RELN: variants seen among roughly 807,000 people sequenced by gnomAD.
The protein encoded by RELN is reelin.
A neutral mutation model predicts 427.6 loss-of-function variants in RELN; 108 were observed. The ratio of observed to expected loss-of-function variants is 0.25; its 90% confidence interval spans 0.22 to 0.30. The LOEUF is 0.30. Ranked by LOEUF, RELN falls within the 10% of genes least tolerant of loss-of-function variation. The pLI is 1.00. For missense variants in RELN, 3,715 were observed against 4,302.8 expected (o/e 0.86, Z 3.82); for synonymous variants, 1,524 against 1,513.4 (o/e 1.01, Z -0.16).
In RELN at chr7:103,636,224, C is replaced by T. The variant is rs745568401; in HGVS notation, c.2303+11G>A. 3 of 1,568,264 alleles carry T rather than the reference C, an allele frequency of 1.9e-6. No individual in the cohort carries two copies. Among genetic ancestry groups the T allele is most frequent in the South Asian group, 2.2e-5 (2 of 90,040 alleles). Reference sequence around the variant, plus strand: ...TGGTTTTTGTATGTATTCTACCCTGCCTTCACTCACCTGGATTGTGAGCTG... The same window carrying T: ...TGGTTTTTGTATGTATTCTACCCTGTCTTCACTCACCTGGATTGTGAGCTG... On this transcript the variant is annotated intron_variant, in intron 18 of 64. Coordinates refer to ENST00000428762, the MANE Select transcript of RELN (RefSeq NM_005045.4).
chr7:103,784,880 A>G (rs865844517), intron 3 of RELN, among the ~76,000 whole-genome samples: 1 of 152,184 alleles, frequency 6.6e-6, no homozygotes, highest in South Asian at 2.1e-4. Flanking sequence ...TAAAGCATCC[A>G]TGCAGTAAAT....
chr7:103,597,351 A>C (rs937234120), intron 24 of RELN, among the ~76,000 whole-genome samples: 57 of 152,220 alleles, frequency 3.7e-4, no homozygotes, highest in African/African-American at 1.3e-3. Context: ...GCCTGTAATC[A>C]CAGCACTTTG....
intron 3 of RELN, among the ~76,000 whole-genome samples, chr7:103,810,648 C>T (rs754880092): frequency 6.6e-6 from 1 of 152,104 alleles, no homozygotes; most frequent in Non-Finnish European, 1.5e-5. Context: ...AGACAGATTA[C>T]CCTTCCTTGC....
intron 2 of RELN, among the ~76,000 whole-genome samples, chr7:103,891,924 C>T (rs1187337405): frequency 2.6e-5 from 4 of 152,006 alleles, no homozygotes; most frequent in African/African-American, 4.8e-5. Context: ...CCCACAGGAA[C>T]AGAATGAACA....
chr7:103,520,376 A>G (rs1030295516), intron 48 of RELN, among the ~76,000 whole-genome samples: 7 of 152,014 alleles, frequency 4.6e-5, no homozygotes, highest in Non-Finnish European at 8.8e-5. Flanking sequence ...CCTGGGTTCA[A>G]GTGATTCTCT....
At position 103,895,762 on chromosome 7, in the gene RELN, C is replaced by T. The variant is rs12667097; in HGVS notation, c.337+21313G>A. 4.1e-3 allele frequency among the ~76,000 whole-genome samples: 624 copies of T among 151,596 alleles called. 23 individuals are homozygous for T. In the East Asian group the frequency reaches 0.073, roughly 18 times the overall value. On this transcript the variant is annotated intron_variant, in intron 2 of 64. Transcript: ENST00000428762. Reference sequence around the variant, plus strand: ...GCTAGGCTCTATCACCTGGAGCATACGTTAAAAAAATTGCATTGAGATAGG... The same window carrying T: ...GCTAGGCTCTATCACCTGGAGCATATGTTAAAAAAATTGCATTGAGATAGG...
chr7:103,691,271 C>A (rs943338063), intron 10 of RELN, among the ~76,000 whole-genome samples: 1 of 152,116 alleles, frequency 6.6e-6, no homozygotes, highest in Non-Finnish European at 1.5e-5. Flanking sequence ...GGTCTTATAT[C>A]ATTCTTCCCT....
chr7:103,608,826 C>T (rs1393137559), intron 22 of RELN, among the ~76,000 whole-genome samples: 1 of 152,150 alleles, frequency 6.6e-6, no homozygotes, highest in Non-Finnish European at 1.5e-5. Flanking sequence ...AAAGAACCTG[C>T]AAAGGCTTTT....
At chr7:103,500,554 C>A (rs1828992247) in intron 53 of RELN, among the ~76,000 whole-genome samples, 191 bp downstream of exon 53, 1 of 152,032 alleles carries the variant, frequency 6.6e-6, no homozygotes. Flanking sequence ...ACTGGATAAA[C>A]TGTACTAGAA....
chr7:103,507,309 G>C (rs1829248535), intron 51 of RELN, among the ~76,000 whole-genome samples: 1 of 152,170 alleles, frequency 6.6e-6, no homozygotes, highest in South Asian at 2.1e-4. Flanking sequence ...AAATGCAAAA[G>C]AGCGGAAATC....
chr7:103,726,833 T>C (rs1450453931), intron 7 of RELN, among the ~76,000 whole-genome samples: 1 of 152,160 alleles, frequency 6.6e-6, no homozygotes, highest in Non-Finnish European at 1.5e-5. Flanking sequence ...AGCAAATCTA[T>C]TTTTTCAAGA....
At chr7:103,867,083 A>G (rs1794217980) in intron 2 of RELN, among the ~76,000 whole-genome samples, 1 of 152,164 alleles carries the variant, frequency 6.6e-6, no homozygotes, top group African/African-American at 2.4e-5. Flanking sequence ...GATTACTTCT[A>G]TCTCACAATC....
At chr7:103,982,779 C>T (rs988453492) in intron 1 of RELN, among the ~76,000 whole-genome samples, 9 of 152,152 alleles carry the variant, frequency 5.9e-5, no homozygotes, top group African/African-American at 1.9e-4. Flanking sequence ...CATCAATAAT[C>T]GGTGCTATCT....
chr7:103,793,057 CTAT>C (rs1221250335), intron 3 of RELN, among the ~76,000 whole-genome samples: 1 of 152,108 alleles, frequency 6.6e-6, no homozygotes, highest in Non-Finnish European at 1.5e-5. Flanking sequence ...CCCAAGGAAA[CTAT>C]AAAGCCTCAA....
intron 4 of RELN, among the ~76,000 whole-genome samples, chr7:103,762,848 A>G (rs75750773): frequency 0.019 from 2,853 of 152,314 alleles, 99 homozygotes; most frequent in African/African-American, 0.065. Context: ...CAGCTTACAA[A>G]AAAAGGCAGA....
In RELN at chr7:103,540,424, C is replaced by T. The variant is rs756874810; in HGVS notation, c.6703G>A (p.Gly2235Ser). 1 of 1,613,998 alleles carries T rather than the reference C, an allele frequency of 6.2e-7. No individual in the cohort carries two copies. Among genetic ancestry groups the T allele is most frequent in the Non-Finnish European group, 8.5e-7 (1 of 1,179,984 alleles). Residue 2235 changes from glycine to serine, a missense_variant, in exon 44 of 65, where the codon GGT (glycine) becomes AGT (serine). By Grantham distance (56) the Gly-to-Ser change is moderately conservative. Transcript: ENST00000428762. Reference sequence around the variant, plus strand: ...CTCCTGGGGTCAGGAACGCCTTTACCACATCCCAGTCTCATGAAGAACTGC... The same window carrying T: ...CTCCTGGGGTCAGGAACGCCTTTACTACATCCCAGTCTCATGAAGAACTGC... ...FVQFFMRLGC[G>S]KGVPDPRSQP...
chr7:103,988,745 G>C lies in RELN; in HGVS notation c.226+386C>G, dbSNP rs927254736. Among the ~76,000 whole-genome samples, 1 of 152,176 alleles carries C rather than the reference G, an allele frequency of 6.6e-6. No individual in the cohort carries two copies. Among genetic ancestry groups the C allele is most frequent in the African/African-American group, 2.4e-5 (1 of 41,446 alleles). On this transcript the variant is annotated intron_variant, in intron 1 of 64. Transcript: ENST00000428762. The surrounding 1 kb of genome is among the most constrained non-coding windows in gnomAD (Gnocchi z 4.9). ...CAACGCCCCCCCGGGGACCCATCTG[G>C]GGGGACCGGGAGCAGGACAAAGGTC...
chr7:103,934,717 C>CCT (rs1188048947), intron 1 of RELN, among the ~76,000 whole-genome samples: 6 of 152,324 alleles, frequency 3.9e-5, no homozygotes, highest in Admixed American at 6.5e-5. Flanking sequence ...GGAAGCAGCA[C>CCT]CTATTCACCG....
intron 2 of RELN, among the ~76,000 whole-genome samples, chr7:103,868,630 G>C (rs529364548): frequency 1.3e-5 from 2 of 151,824 alleles, no homozygotes; most frequent in Non-Finnish European, 2.9e-5. Flanking sequence ...TTTTTTGCCC[G>C]GTATGCTATG....
Sources: allele counts gnomAD v4.1 joint callset (sites outside exome capture counted in the v4.1 genomes callset), GRCh38; gene constraint gnomAD v4.1.1; non-coding constraint Gnocchi (gnomAD v3.1); transcripts MANE v1.5; gene names NCBI Gene and HGNC (gene_info 2026-07-23, HGNC 2026-07-21).